DLGAP2: variants seen among roughly 807,000 people sequenced by gnomAD.
The protein encoded by DLGAP2 is DLG associated protein 2.
A neutral mutation model predicts 100.3 loss-of-function variants in DLGAP2; 26 were observed. The ratio of observed to expected loss-of-function variants is 0.26; its 90% confidence interval spans 0.19 to 0.36. The LOEUF (loss-of-function observed/expected upper bound fraction) is 0.36, where lower values mean the gene tolerates loss of function less well. Among genes scored for constraint, DLGAP2 ranks in the 10% least tolerant of loss-of-function variants. DLGAP2 has a pLI of 1.00. For missense variants in DLGAP2, 1,858 were observed against 1,453.2 expected (o/e 1.28, Z -4.53); for synonymous variants, 886 against 630.1 (o/e 1.41, Z -6.08).
intron 2 of DLGAP2, among the ~76,000 whole-genome samples, chr8:1,166,918 G>T (rs10086026): frequency 0.55 from 84,218 of 151,938 alleles, 24,096 homozygotes; most frequent in Admixed American, 0.65. Flanking sequence ...AGGCCAAGGT[G>T]AGAGGACCAC....
chr8:904,330 G>T (rs1376988235), intron 1 of DLGAP2, among the ~76,000 whole-genome samples: 4 of 152,136 alleles, frequency 2.6e-5, no homozygotes, highest in East Asian at 3.9e-4. Context: ...GACCAGCTTG[G>T]CCAATGTGGC....
At chr8:1,601,218 G>T (rs1438319001) in intron 6 of DLGAP2, among the ~76,000 whole-genome samples, 1 of 152,242 alleles carries the variant, frequency 6.6e-6, no homozygotes, top group African/African-American at 2.4e-5. Flanking sequence ...GAACAGCAAA[G>T]ATTGCTGCCT....
intron 2 of DLGAP2, among the ~76,000 whole-genome samples, chr8:1,025,809 T>C (rs1346641880): frequency 6.6e-6 from 1 of 152,238 alleles, no homozygotes; most frequent in African/African-American, 2.4e-5. Flanking sequence ...CTGAGGCCTG[T>C]CAGCCTTGGG....
intron 2 of DLGAP2, among the ~76,000 whole-genome samples, chr8:1,069,799 C>A (rs1803372607): frequency 6.6e-6 from 1 of 152,148 alleles, no homozygotes; most frequent in Admixed American, 6.5e-5. Context: ...TGAGGTGCAG[C>A]CACAATGCGT....
chr8:1,629,720 G>A (rs1232616750), intron 7 of DLGAP2, among the ~76,000 whole-genome samples: 2 of 152,176 alleles, frequency 1.3e-5, no homozygotes, highest in African/African-American at 4.8e-5. Flanking sequence ...CCAACAAAAG[G>A]TTTAAACAGA....
At chr8:1,110,920 G>T (rs761254948) in intron 2 of DLGAP2, among the ~76,000 whole-genome samples, 1 of 152,068 alleles carries the variant, frequency 6.6e-6, no homozygotes, top group African/African-American at 2.4e-5. Flanking sequence ...GCTTTTGGGG[G>T]TTTGGGGTCA....
intron 2 of DLGAP2, among the ~76,000 whole-genome samples, chr8:1,068,291 A>T (rs1803317893): frequency 6.6e-6 from 1 of 152,148 alleles, no homozygotes; most frequent in African/African-American, 2.4e-5. Flanking sequence ...TGTGGATGTA[A>T]GTTTCCAGCT....
At chr8:1,500,162 C>A (rs1799670361) in intron 3 of DLGAP2, among the ~76,000 whole-genome samples, 1 of 152,240 alleles carries the variant, frequency 6.6e-6, no homozygotes, top group Non-Finnish European at 1.5e-5. Flanking sequence ...CATTCTGATA[C>A]CCCATAAATA....
At chr8:1,331,114 C>T (rs1405462721) in intron 3 of DLGAP2, among the ~76,000 whole-genome samples, 2 of 152,220 alleles carry the variant, frequency 1.3e-5, no homozygotes, top group Non-Finnish European at 1.5e-5. Context: ...GGTACTCATG[C>T]ACGCTTTCTT....
At chr8:1,438,443 T>A (rs939170720) in intron 3 of DLGAP2, among the ~76,000 whole-genome samples, 7 of 152,136 alleles carry the variant, frequency 4.6e-5, no homozygotes, top group African/African-American at 1.7e-4. Context: ...AATTGCTAAT[T>A]TAACTTAACA....
intron 1 of DLGAP2, among the ~76,000 whole-genome samples, chr8:888,534 C>T (rs188598779): frequency 1.3e-5 from 2 of 150,406 alleles, no homozygotes; most frequent in African/African-American, 4.9e-5. Context: ...GTCTTTGAGG[C>T]TGCTGACCCT....
At position 1,120,324 on chromosome 8, in the gene DLGAP2, A is replaced by G. The variant is rs114798615; in HGVS notation, c.74-138527A>G. ...TCATTAGGCATCTTCGTTCCAGCCA[A>G]CATGCGTCCGAATGAGAACAATACG... is the stretch of plus-strand genomic sequence containing the variant. On this transcript the variant is annotated intron_variant, in intron 2 of 14. Coordinates refer to ENST00000637795, the MANE Select transcript of DLGAP2 (RefSeq NM_001346810.2). 2.1e-3 allele frequency among the ~76,000 whole-genome samples: 317 copies of G among 152,342 alleles called. 4 individuals carry two copies. The highest frequency in any genetic ancestry group is 6.2e-3 in the African/African-American group (257 of 41,574).
At chr8:1,140,578 T>A (rs548198340) in intron 2 of DLGAP2, among the ~76,000 whole-genome samples, 3 of 152,194 alleles carry the variant, frequency 2.0e-5, no homozygotes, top group African/African-American at 7.2e-5. Context: ...AGAGGCCCCA[T>A]AGGGCTCTGG....
intron 3 of DLGAP2, among the ~76,000 whole-genome samples, chr8:1,354,813 A>G (rs1252679836): frequency 1.5e-4 from 5 of 32,704 alleles, no homozygotes; most frequent in Admixed American, 3.2e-4. Context: ...CTGCGGATGA[A>G]GGTGGAAAGT....
intron 12 of DLGAP2, among the ~76,000 whole-genome samples, chr8:1,687,610 A>T (rs1167213489): frequency 6.6e-6 from 1 of 152,210 alleles, no homozygotes; most frequent in Non-Finnish European, 1.5e-5. Context: ...AGCAATATTC[A>T]ATTTATTCCC....
chr8:1,165,640 G>C (rs1797000637), intron 2 of DLGAP2, among the ~76,000 whole-genome samples: 1 of 152,200 alleles, frequency 6.6e-6, no homozygotes, highest in African/African-American at 2.4e-5. Flanking sequence ...ACTGTTACAT[G>C]ATTTTCGTCT....
At chr8:1,137,038 C>T (rs1796429270) in intron 2 of DLGAP2, among the ~76,000 whole-genome samples, 1 of 152,212 alleles carries the variant, frequency 6.6e-6, no homozygotes, top group African/African-American at 2.4e-5. Context: ...GCTCAAACAA[C>T]AGGAACTTAT....
In DLGAP2 at chr8:1,313,687, G is replaced by C. The variant is rs544764433; in HGVS notation, c.106+54804G>C. On this transcript the variant is annotated intron_variant, in intron 3 of 14. Transcript: ENST00000637795. ...GATACCTCAAGTCCCACCTGAACCT[G>C]ATGGTCACTACAGGACAAAAGAGGG... Among the ~76,000 whole-genome samples, 5 of 152,314 alleles carry C rather than the reference G, an allele frequency of 3.3e-5. No individual in the cohort carries two copies. The East Asian group carries it at 9.6e-4, about 29-fold the overall frequency.
chr8:792,561 C>T (rs570853406), intron 1 of DLGAP2, among the ~76,000 whole-genome samples: 8 of 152,132 alleles, frequency 5.3e-5, no homozygotes, highest in Admixed American at 1.3e-4. Flanking sequence ...TCCCCTTAAT[C>T]GTATTTTACA....
Sources: allele counts gnomAD v4.1 joint callset (sites outside exome capture counted in the v4.1 genomes callset), GRCh38; gene constraint gnomAD v4.1.1; transcripts MANE v1.5; gene names NCBI Gene and HGNC (gene_info 2026-07-23, HGNC 2026-07-21).